Variants in GFRAL observed in about 807,000 individuals in gnomAD.
GFRAL encodes the protein GDNF family receptor alpha-like.
GFRAL carries 36 observed loss-of-function variants against 45.4 expected under a neutral mutation model. That is an observed-to-expected ratio of 0.79 (90% CI 0.61 to 1.05). The LOEUF (loss-of-function observed/expected upper bound fraction) is 1.05, where lower values mean the gene tolerates loss of function less well. Among genes scored for constraint, GFRAL ranks in the 50% least tolerant of loss-of-function variants. GFRAL has a pLI of 0.00. For synonymous variants in GFRAL, 166 were observed against 154.1 expected (o/e 1.08, Z -0.57); for missense variants, 507 against 467.5 (o/e 1.08, Z -0.78).
intron 6 of GFRAL, among the ~76,000 whole-genome samples, chr6:55,392,009 T>C (rs543631909): frequency 7.5e-4 from 114 of 152,340 alleles, no homozygotes; most frequent in Middle Eastern, 3.4e-3. Context: ...ATTTCACTCA[T>C]GAAACCAACC....
At position 55,351,588 on chromosome 6, in the gene GFRAL, G is replaced by A. The variant is rs1414376964; in HGVS notation, c.701+5G>A. 6.3e-7 allele frequency: 1 copy of A among 1,587,330 alleles called. No individual in the cohort carries two copies. The highest frequency in any genetic ancestry group is 2.3e-5 in the East Asian group (1 of 44,306). On this transcript the variant is annotated splice_donor_5th_base_variant and intron_variant, in intron 5 of 8. Coordinates refer to ENST00000340465, the MANE Select transcript of GFRAL (RefSeq NM_207410.2). Reference sequence around the variant, plus strand: ...CCAAAATGATGAATTATGCAGGTGGGTAAAAACACTCATACCTTACTTTCT... The same window carrying A: ...CCAAAATGATGAATTATGCAGGTGGATAAAAACACTCATACCTTACTTTCT...
intron 6 of GFRAL, among the ~76,000 whole-genome samples, chr6:55,367,802 A>T (rs992740418): frequency 6.6e-6 from 1 of 152,126 alleles, no homozygotes; most frequent in Non-Finnish European, 1.5e-5. Flanking sequence ...GGTTTCTGCC[A>T]AGAGATCCGC....
intron 3 of GFRAL, among the ~76,000 whole-genome samples, chr6:55,349,082 A>C (rs144454498): frequency 0.011 from 1,685 of 152,214 alleles, 29 homozygotes; most frequent in African/African-American, 0.038. Context: ...GGGATCAAGA[A>C]GAAAGAGTGG....
chr6:55,387,566 A>G (rs1222216667), intron 6 of GFRAL, among the ~76,000 whole-genome samples: 1 of 152,204 alleles, frequency 6.6e-6, no homozygotes, highest in Non-Finnish European at 1.5e-5. Context: ...ATGCTGGGAT[A>G]TCATCTTAAA....
intron 2 of GFRAL, among the ~76,000 whole-genome samples, chr6:55,332,460 G>A (rs1236261518): frequency 2.0e-5 from 3 of 150,760 alleles, no homozygotes; most frequent in Non-Finnish European, 1.5e-5. Flanking sequence ...TTGGTCTGTC[G>A]CCAGGCTGGA....
intron 6 of GFRAL, among the ~76,000 whole-genome samples, chr6:55,380,919 C>T (rs75924124): frequency 0.064 from 9,741 of 151,998 alleles, 507 homozygotes; most frequent in African/African-American, 0.14. Context: ...CAAGCTGGAA[C>T]TTTTAATTCA....
intron 6 of GFRAL, among the ~76,000 whole-genome samples, chr6:55,389,125 T>C (rs1768715662): frequency 6.6e-6 from 1 of 152,184 alleles, no homozygotes; most frequent in Admixed American, 6.5e-5. Flanking sequence ...CAGGGGTACA[T>C]GTGCAGATTT....
chr6:55,360,738 A>C (rs1480018776), intron 6 of GFRAL, among the ~76,000 whole-genome samples: 2 of 152,014 alleles, frequency 1.3e-5, no homozygotes, highest in Non-Finnish European at 2.9e-5. Flanking sequence ...AATACTTATA[A>C]TGAATGGCTC....
chr6:55,343,521 T>C (rs375802346), intron 3 of GFRAL, among the ~76,000 whole-genome samples: 19 of 152,072 alleles, frequency 1.2e-4, no homozygotes, highest in African/African-American at 4.6e-4. Flanking sequence ...AGGACACATT[T>C]AAAGCAGTGT....
intron 6 of GFRAL, among the ~76,000 whole-genome samples, chr6:55,370,466 A>G (rs1198154515): frequency 6.6e-6 from 1 of 152,216 alleles, no homozygotes; most frequent in African/African-American, 2.4e-5. Flanking sequence ...TTTTACTGCT[A>G]TGTAATATTC....
At chr6:55,329,277 T>C (rs1767800883) in intron 1 of GFRAL, among the ~76,000 whole-genome samples, 1 of 151,992 alleles carries the variant, frequency 6.6e-6, no homozygotes, top group Non-Finnish European at 1.5e-5. Flanking sequence ...TTAAGAAGCT[T>C]GTTCAACCAA....
chr6:55,350,741 T>C (rs562051323), intron 4 of GFRAL, among the ~76,000 whole-genome samples: 28 of 152,094 alleles, frequency 1.8e-4, no homozygotes, highest in Non-Finnish European at 2.8e-4. Context: ...AATAGGTATT[T>C]GTGATCATAT....
At chr6:55,351,852 A>C (rs958238151) in intron 5 of GFRAL, among the ~76,000 whole-genome samples, 1 of 152,150 alleles carries the variant, frequency 6.6e-6, no homozygotes, top group African/African-American at 2.4e-5. Context: ...TATGTATTCA[A>C]GTTAGACTAA....
Position 55,333,943 on chromosome 6 carries a change from A to T in GFRAL, c.315A>T (p.Ser105=), listed in dbSNP as rs1248558469. 4 of 1,512,678 alleles carry T rather than the reference A, an allele frequency of 2.6e-6. No homozygotes were observed. Among genetic ancestry groups the T allele is most frequent in the African/African-American group, 2.8e-5 (2 of 71,192 alleles). The allele number at this position is 1,512,678 out of a possible 1,614,324, so 93.7% of individuals were successfully genotyped here. The change falls in exon 3 of 9, where the codon TCA becomes TCT. Residue 105 remains serine, a splice_region_variant and synonymous_variant. Transcript: ENST00000340465. ...TTGGAAAAAAATGTATCAATAAATCAGGTAATATTTTGTTTTAAGAAATGT... is the reference window on the plus strand; with the variant it reads ...TTGGAAAAAAATGTATCAATAAATCTGGTAATATTTTGTTTTAAGAAATGT... ...KLLGKKCINK[S]DNVKEDKFKW...
Position 55,402,046 on chromosome 6 carries a change from G to C in GFRAL, c.*193G>C. ...GGCTGCAGTACAATGGCTCAATCTC[G>C]GTTCACTGCAACCTCTGCCTCCAAG... On this transcript the variant is annotated 3_prime_UTR_variant, in exon 9 of 9. Transcript: ENST00000340465. The C allele has an allele frequency of 2.2e-6, 1 of 446,010 alleles. No individual in the cohort carries two copies. The highest frequency in any genetic ancestry group is 4.5e-5 in the Admixed American group (1 of 22,136). The allele number at this position is 446,010 out of a possible 1,614,324, so 27.6% of individuals were successfully genotyped here.
In GFRAL at chr6:55,348,983, G is replaced by A. The variant is rs139751532; in HGVS notation, c.317-1109G>A. ...TTACAAAAGCTATATGACTCCCTGG[G>A]ATCTGTTTGTTGGGATTTTATTAGA... On this transcript the variant is annotated intron_variant, in intron 3 of 8. Coordinates refer to ENST00000340465, the MANE Select transcript of GFRAL (RefSeq NM_207410.2). Among the ~76,000 whole-genome samples the A allele has an allele frequency of 4.2e-3, 646 of 152,108 alleles. 7 individuals carry two copies. Among genetic ancestry groups the A allele is most frequent in the African/African-American group, 0.014 (566 of 41,488 alleles).
At chr6:55,355,593 G>A (rs1768180152) in intron 5 of GFRAL, among the ~76,000 whole-genome samples, 1 of 151,948 alleles carries the variant, frequency 6.6e-6, no homozygotes, top group South Asian at 2.1e-4. Context: ...CAACTTTACT[G>A]AATTTGTTGA....
chr6:55,394,697 G>C (rs1768798413), intron 6 of GFRAL, among the ~76,000 whole-genome samples: 1 of 151,772 alleles, frequency 6.6e-6, no homozygotes, highest in Admixed American at 6.6e-5. Context: ...AAAGGAGGGA[G>C]AACTAGAGGT....
intron 3 of GFRAL, among the ~76,000 whole-genome samples, chr6:55,339,472 A>G (rs530396938): frequency 5.9e-5 from 9 of 152,300 alleles, no homozygotes; most frequent in African/African-American, 9.6e-5. Context: ...TAGATAAAAA[A>G]CATAAAGGAG....
Sources: gnomAD v4.1 joint callset for allele counts (sites outside exome capture counted in the v4.1 genomes callset) on GRCh38, gnomAD v4.1.1 for gene constraint, MANE v1.5 for transcripts, NCBI Gene and HGNC (gene_info 2026-07-23, HGNC 2026-07-21) for gene names.